The following RAP1GDS1 variants were observed in gnomAD, a reference collection of about 807,000 sequenced individuals.
The protein encoded by RAP1GDS1 is Rap1 GTPase-GDP dissociation stimulator 1, also known as RAP1, GTP-GDP dissociation stimulator 1.
A neutral mutation model predicts 71.1 loss-of-function variants in RAP1GDS1; 35 were observed. The observed-to-expected ratio is 0.49, with a 90% CI of 0.38 to 0.65. The LOEUF is 0.65. Among genes scored for constraint, RAP1GDS1 ranks in the 30% least tolerant of loss-of-function variants. RAP1GDS1 has a pLI of 0.00. For synonymous variants in RAP1GDS1, 229 were observed against 243.1 expected, an observed-to-expected ratio of 0.94 and a Z score of 0.54; for missense variants, 663 against 706.1, an observed-to-expected ratio of 0.94 and a Z score of 0.69.
intron 4 of RAP1GDS1, among the ~76,000 whole-genome samples, chr4:98,356,606 T>G (rs1339517723): frequency 2.0e-5 from 3 of 152,096 alleles, no homozygotes; most frequent in African/African-American, 7.2e-5. Flanking sequence ...CGAGGAAGAA[T>G]AATGTACAAA....
At position 98,437,542 on chromosome 4, in the gene RAP1GDS1, C is replaced by T. The variant is rs951999220; in HGVS notation, c.1696+474C>T. Among the ~76,000 whole-genome samples the T allele has an allele frequency of 2.6e-5, 4 of 151,936 alleles. No individual in the cohort carries two copies. In the South Asian group the frequency reaches 8.3e-4, roughly 32 times the overall value. ...GGCACGGTGGCTCATGCCTGTACTC[C>T]CAGCACTTTGGGAGGCTGAGGTGGT... is the stretch of plus-strand genomic sequence containing the variant. On this transcript the variant is annotated intron_variant, in intron 14 of 14. Coordinates refer to ENST00000408927, the MANE Select transcript of RAP1GDS1 (RefSeq NM_001100427.2).
chr4:98,288,299 G>A (rs913166136), intron 1 of RAP1GDS1, among the ~76,000 whole-genome samples: 16 of 152,058 alleles, frequency 1.1e-4, no homozygotes, highest in South Asian at 8.3e-4. Context: ...TTTTGTCCTT[G>A]CCATAGTTTG....
chr4:98,436,992 A>C lies in RAP1GDS1; in HGVS notation c.1620A>C (p.Arg540Ser). ...ESAKLVQILH[R>S]LLADERSAPE... Reference sequence around the variant, plus strand: ...CTAAACTTGTACAGATTTTACATAGACTGCTAGCAGATGAGAGAAGTGCTC... The same window carrying C: ...CTAAACTTGTACAGATTTTACATAGCCTGCTAGCAGATGAGAGAAGTGCTC... The change falls in exon 14 of 15, where the codon AGA becomes AGC. Residue 540 changes from arginine (R) to serine (S), a missense_variant. Physicochemically the swap from Arg to Ser is moderately radical, Grantham distance 110. Coordinates refer to ENST00000408927, the MANE Select transcript of RAP1GDS1 (RefSeq NM_001100427.2). The C allele has an allele frequency of 1.2e-6, 2 of 1,612,714 alleles. No individual in the cohort carries two copies. The highest frequency in any genetic ancestry group is 1.7e-6 in the Non-Finnish European group (2 of 1,179,590).
At chr4:98,327,494 G>T (rs1435483080) in intron 2 of RAP1GDS1, among the ~76,000 whole-genome samples, 1 of 152,172 alleles carries the variant, frequency 6.6e-6, no homozygotes, top group Non-Finnish European at 1.5e-5. Context: ...AGAATGTTTT[G>T]TGATAGTTTT....
chr4:98,317,844 C>T lies in RAP1GDS1; in HGVS notation c.112+24329C>T, dbSNP rs75474485. On this transcript the variant is annotated intron_variant, in intron 2 of 14. Transcript: ENST00000408927. Reference sequence around the variant, plus strand: ...TATATATATTTTTTTTTCTTTTCTTCTCTTTTTTTTTTTTTGAGACAGAAT... The same window carrying T: ...TATATATATTTTTTTTTCTTTTCTTTTCTTTTTTTTTTTTTGAGACAGAAT... 4.9e-3 allele frequency among the ~76,000 whole-genome samples: 704 copies of T among 143,270 alleles called. 6 individuals are homozygous for T. Among genetic ancestry groups the T allele is most frequent in the South Asian group, 0.017 (77 of 4,510 alleles). 94.0% of individuals were successfully genotyped at this position (143,270 alleles called of 152,430 possible). A position where few individuals can be genotyped will look rare whatever the true frequency, so the allele number is the denominator to read the frequency against.
At chr4:98,331,233 C>T (rs1004150163) in intron 2 of RAP1GDS1, among the ~76,000 whole-genome samples, 3 of 152,006 alleles carry the variant, frequency 2.0e-5, no homozygotes, top group Non-Finnish European at 2.9e-5. Context: ...TGCAGTGAGC[C>T]GAGATCACGG....
intron 3 of RAP1GDS1, among the ~76,000 whole-genome samples, chr4:98,346,951 A>G (rs552742355): frequency 7.2e-5 from 11 of 152,370 alleles, no homozygotes; most frequent in South Asian, 4.1e-4. Context: ...TTCATGCCTC[A>G]TAGTTTTCCT....
intron 3 of RAP1GDS1, among the ~76,000 whole-genome samples, chr4:98,349,468 A>T (rs1430805999): frequency 1.3e-5 from 2 of 152,124 alleles, no homozygotes; most frequent in Non-Finnish European, 2.9e-5. Flanking sequence ...TTGGTTCCAT[A>T]TGAACTTTAA....
chr4:98,371,711 G>A (rs1740411277), intron 4 of RAP1GDS1, among the ~76,000 whole-genome samples: 1 of 151,962 alleles, frequency 6.6e-6, no homozygotes. Flanking sequence ...TCCCGCCTTG[G>A]CTTCCCAAAG....
At chr4:98,280,078 T>G (rs1258929271) in intron 1 of RAP1GDS1, among the ~76,000 whole-genome samples, 1 of 152,222 alleles carries the variant, frequency 6.6e-6, no homozygotes, top group Non-Finnish European at 1.5e-5. Context: ...TACATGTGCA[T>G]GTGTCTTTAT....
chr4:98,298,504 A>T (rs1728112726), intron 2 of RAP1GDS1, among the ~76,000 whole-genome samples: 1 of 152,200 alleles, frequency 6.6e-6, no homozygotes, highest in Admixed American at 6.5e-5. Flanking sequence ...CTTCAGAATG[A>T]TGCTAAATTT....
At chr4:98,354,308 C>T (rs1029540831) in intron 4 of RAP1GDS1, among the ~76,000 whole-genome samples, 2 of 151,574 alleles carry the variant, frequency 1.3e-5, no homozygotes, top group African/African-American at 2.4e-5. Context: ...ATGATCCACC[C>T]GCCTCGGCCT....
chr4:98,277,294 A>G (rs971454328), intron 1 of RAP1GDS1, among the ~76,000 whole-genome samples: 1 of 152,140 alleles, frequency 6.6e-6, no homozygotes, highest in Non-Finnish European at 1.5e-5. Context: ...AGTCCTTTCT[A>G]TATACTATGA....
chr4:98,396,987 A>G (rs1356681741), intron 6 of RAP1GDS1: 1 of 152,192 alleles, frequency 6.6e-6, no homozygotes, highest in Non-Finnish European at 1.5e-5. Context: ...AGTGCAATCT[A>G]TTTCAGAATT....
chr4:98,385,345 G>A (rs181448534), intron 5 of RAP1GDS1, among the ~76,000 whole-genome samples: 47 of 151,870 alleles, frequency 3.1e-4, no homozygotes, highest in Non-Finnish European at 3.2e-4. Context: ...GAAATATGAT[G>A]ATATGAGGCA....
At chr4:98,375,238 C>T (rs1740998302) in intron 4 of RAP1GDS1, among the ~76,000 whole-genome samples, 1 of 152,024 alleles carries the variant, frequency 6.6e-6, no homozygotes, top group South Asian at 2.1e-4. Context: ...AATTCTAATC[C>T]CTGCCTCTGT....
intron 4 of RAP1GDS1, among the ~76,000 whole-genome samples, chr4:98,357,777 C>T (rs866426246): frequency 2.6e-5 from 4 of 151,738 alleles, no homozygotes; most frequent in East Asian, 3.9e-4. Context: ...TTTAATATAA[C>T]CCCTAGAAAG....
At chr4:98,395,208 G>T (rs1744340287) in intron 6 of RAP1GDS1, among the ~76,000 whole-genome samples, 1 of 151,986 alleles carries the variant, frequency 6.6e-6, no homozygotes, top group Admixed American at 6.6e-5. Context: ...TCTGATTTTA[G>T]TATCTATAGT....
intron 1 of RAP1GDS1, among the ~76,000 whole-genome samples, chr4:98,286,492 G>A (rs1726040641): frequency 6.6e-6 from 1 of 152,090 alleles, no homozygotes; most frequent in Non-Finnish European, 1.5e-5. Context: ...TATTGTAGTT[G>A]TGAAGATCAT....
Sources: allele counts gnomAD v4.1 joint callset (sites outside exome capture counted in the v4.1 genomes callset), GRCh38; gene constraint gnomAD v4.1.1; transcripts MANE v1.5; gene names NCBI Gene and HGNC (gene_info 2026-07-23, HGNC 2026-07-21).